LYN: variants seen among roughly 807,000 people sequenced by gnomAD.
LYN encodes LYN proto-oncogene, Src family tyrosine kinase.
LYN carries 12 observed loss-of-function variants against 65.0 expected under a neutral mutation model. The observed-to-expected ratio is 0.18, with a 90% CI of 0.12 to 0.30. The LOEUF (loss-of-function observed/expected upper bound fraction) is 0.30. LYN is among the 10% of genes least tolerant of loss of function. LYN has a pLI of 1.00. For synonymous variants in LYN, 222 were observed against 221.2 expected, an observed-to-expected ratio of 1.00 and a Z score of -0.03; for missense variants, 380 against 623.2, an observed-to-expected ratio of 0.61 and a Z score of 4.16.
chr8:55,937,554 G>C (rs1266760764), intron 1 of LYN, among the ~76,000 whole-genome samples: 1 of 152,196 alleles, frequency 6.6e-6, no homozygotes, highest in Non-Finnish European at 1.5e-5. Context: ...CCCCTGTGCA[G>C]TGTATTTAAA....
intron 1 of LYN, among the ~76,000 whole-genome samples, chr8:55,922,836 G>A (rs1805984658): frequency 6.6e-6 from 1 of 152,132 alleles, no homozygotes; most frequent in Non-Finnish European, 1.5e-5. Flanking sequence ...GTAGCAAAAC[G>A]GGAGGGTGCC....
intron 10 of LYN, among the ~76,000 whole-genome samples, chr8:55,997,812 C>T (rs976698054): frequency 1.1e-4 from 16 of 152,300 alleles, no homozygotes; most frequent in South Asian, 4.1e-4. Context: ...TGGCCAGGCG[C>T]GGTGGCTCAC....
At chr8:55,976,140 G>C (rs941565804) in intron 10 of LYN, among the ~76,000 whole-genome samples, 8 of 151,936 alleles carry the variant, frequency 5.3e-5, no homozygotes, top group African/African-American at 2.4e-5. Context: ...ATCACCAGCT[G>C]GTCACAGTTG....
intron 1 of LYN, among the ~76,000 whole-genome samples, chr8:55,907,840 T>C (rs1405228419): frequency 6.6e-6 from 1 of 152,196 alleles, no homozygotes; most frequent in Non-Finnish European, 1.5e-5. Context: ...CACTCCAGCC[T>C]GGGTGACAGA....
chr8:55,951,885 C>G (rs565297849), intron 6 of LYN, 81 bp from the exon 7 acceptor site: 1 of 1,120,290 alleles, frequency 8.9e-7, no homozygotes, highest in Admixed American at 2.6e-5. Flanking sequence ...ATTTGTATCA[C>G]AAAATGTGTA....
intron 1 of LYN, among the ~76,000 whole-genome samples, chr8:55,920,366 G>C (rs1286471904): frequency 6.6e-6 from 1 of 152,180 alleles, no homozygotes; most frequent in Non-Finnish European, 1.5e-5. Flanking sequence ...TGTTTGTGCA[G>C]AATGTCACAG....
chr8:55,995,665 A>G (rs1293736199), intron 10 of LYN, among the ~76,000 whole-genome samples: 3 of 152,152 alleles, frequency 2.0e-5, no homozygotes, highest in Non-Finnish European at 4.4e-5. Flanking sequence ...TGAGACAGGC[A>G]AACTGCATAG....
chr8:55,997,585 A>G (rs985244746), intron 10 of LYN, among the ~76,000 whole-genome samples: 9 of 152,044 alleles, frequency 5.9e-5, no homozygotes, highest in African/African-American at 2.2e-4. Context: ...TGATCTAATC[A>G]CCTGCCAAGG....
In LYN at chr8:55,998,474, A is replaced by G. The variant is rs1002313594; in HGVS notation, c.1179A>G (p.Glu393=). 6.2e-7 allele frequency: 1 copy of G among 1,613,938 alleles called. No homozygotes were observed. Among genetic ancestry groups the G allele is most frequent in the Admixed American group, 1.7e-5 (1 of 60,024 alleles). ...ATTTTGGCCTTGCTAGAGTAATTGA[A>G]GATAATGAGTACACAGCAAGGGAAG... ...IADFGLARVI[E]DNEYTAREGA... is the part of the protein sequence containing the mutation. Residue 393 remains glutamate, a synonymous_variant, in exon 11 of 13, where the codon GAA becomes GAG. Transcript: ENST00000519728.
chr8:55,995,057 AAGGAAACAGAGGC>A (rs1444471553), intron 10 of LYN, among the ~76,000 whole-genome samples: 15 of 152,304 alleles, frequency 9.8e-5, no homozygotes, highest in African/African-American at 3.6e-4. Flanking sequence ...CAGCAGACAA[AAGGAAACAGAGGC>A]AGGGCTCCTC....
intron 1 of LYN, among the ~76,000 whole-genome samples, chr8:55,935,616 A>G (rs1806408784): frequency 6.6e-6 from 1 of 152,110 alleles, no homozygotes; most frequent in Admixed American, 6.6e-5. Context: ...TGTACTAAAA[A>G]TACAAAAATT....
At chr8:55,963,901 G>A (rs1475919504) in intron 8 of LYN, among the ~76,000 whole-genome samples, 1 of 152,034 alleles carries the variant, frequency 6.6e-6, no homozygotes, top group African/African-American at 2.4e-5. Flanking sequence ...TGTAACTTAG[G>A]GTTAGAGTTA....
At chr8:55,945,850 G>A (rs1002222426) in intron 2 of LYN, among the ~76,000 whole-genome samples, 3 of 152,174 alleles carry the variant, frequency 2.0e-5, no homozygotes, top group Non-Finnish European at 4.4e-5. Flanking sequence ...CCCTGACCAT[G>A]CAATTTTATA....
intron 10 of LYN, among the ~76,000 whole-genome samples, chr8:55,998,061 G>C (rs1250676813): frequency 3.3e-5 from 5 of 151,988 alleles, no homozygotes; most frequent in Non-Finnish European, 7.4e-5. Context: ...TCCGGCCTGG[G>C]TGAAAGAGCG....
At chr8:55,918,078 C>T (rs1045263336) in intron 1 of LYN, among the ~76,000 whole-genome samples, 2 of 152,190 alleles carry the variant, frequency 1.3e-5, no homozygotes, top group African/African-American at 4.8e-5. Context: ...CCAGGGTGGT[C>T]TGGGCTGTGG....
intron 10 of LYN, among the ~76,000 whole-genome samples, chr8:55,986,456 T>C (rs1048495288): frequency 1.3e-5 from 2 of 152,224 alleles, no homozygotes; most frequent in Admixed American, 6.5e-5. Context: ...TGGGTATTCA[T>C]TGACAAACTT....
chr8:55,937,562 A>G (rs1806470841), intron 1 of LYN, among the ~76,000 whole-genome samples: 1 of 152,234 alleles, frequency 6.6e-6, no homozygotes, highest in African/African-American at 2.4e-5. Context: ...CAGTGTATTT[A>G]AAGAACAAAT....
At chr8:55,921,160 A>T (rs1299780814) in intron 1 of LYN, among the ~76,000 whole-genome samples, 1 of 152,224 alleles carries the variant, frequency 6.6e-6, no homozygotes, top group Non-Finnish European at 1.5e-5. Context: ...AACCAAATAC[A>T]TTGTAGCTAA....
chr8:55,973,220 G>A (rs546810436), intron 10 of LYN, among the ~76,000 whole-genome samples: 2 of 152,228 alleles, frequency 1.3e-5, no homozygotes, highest in East Asian at 3.9e-4. Context: ...CTAAGTGCAC[G>A]TGACAGCCTC....
Sources: allele counts gnomAD v4.1 joint callset (sites outside exome capture counted in the v4.1 genomes callset), GRCh38; gene constraint gnomAD v4.1.1; transcripts MANE v1.5; gene names NCBI Gene and HGNC (gene_info 2026-07-23, HGNC 2026-07-21).